Variants in RBFOX1 observed in about 807,000 individuals in gnomAD.
The protein encoded by RBFOX1 is RNA binding protein fox-1 homolog 1.
A neutral mutation model predicts 57.7 loss-of-function variants in RBFOX1; 8 were observed. The observed-to-expected ratio is 0.14, with a 90% CI of 0.08 to 0.25. RBFOX1 has a LOEUF of 0.25. Ranked by LOEUF, RBFOX1 falls within the 10% of genes least tolerant of loss-of-function variation. The probability of loss-of-function intolerance (pLI) is 1.00; values close to 1 mark genes in which losing one functional copy is unlikely to be tolerated. For missense variants in RBFOX1, 611 were observed against 548.5 expected (o/e 1.11, Z -1.14); for synonymous variants, 326 against 222.4 (o/e 1.47, Z -4.15).
intron 1 of RBFOX1, among the ~76,000 whole-genome samples, chr16:5,357,140 T>C (rs193062414): frequency 4.3e-4 from 66 of 152,318 alleles, no homozygotes; most frequent in African/African-American, 1.5e-3. Context: ...AGTGCACCTC[T>C]TGGGCTCACT....
chr16:5,606,777 G>T (rs190829168), intron 3 of RBFOX1, among the ~76,000 whole-genome samples: 2 of 152,094 alleles, frequency 1.3e-5, no homozygotes. Flanking sequence ...TGAAGGACAA[G>T]TGGGAGTCGT....
chr16:7,038,975 G>A (rs911586741), intron 3 of RBFOX1, among the ~76,000 whole-genome samples: 1 of 152,122 alleles, frequency 6.6e-6, no homozygotes, highest in Non-Finnish European at 1.5e-5. Context: ...TCTCTCCAGT[G>A]ACTTATAGCC....
intron 3 of RBFOX1, among the ~76,000 whole-genome samples, chr16:5,700,834 C>A (rs945717828): frequency 6.6e-6 from 1 of 152,106 alleles, no homozygotes; most frequent in African/African-American, 2.4e-5. Context: ...GGTCCCACAC[C>A]CATCTGTGAA....
At chr16:5,566,069 C>T (rs1217071908) in intron 2 of RBFOX1, among the ~76,000 whole-genome samples, 1 of 152,102 alleles carries the variant, frequency 6.6e-6, no homozygotes, top group Non-Finnish European at 1.5e-5. Context: ...TGACTTTCGC[C>T]TTTCGCCATG....
intron 2 of RBFOX1, among the ~76,000 whole-genome samples, chr16:5,538,242 C>A (rs78828218): frequency 3.3e-5 from 5 of 152,172 alleles, no homozygotes; most frequent in Admixed American, 1.3e-4. Context: ...ACACCTCTTA[C>A]ACTTGATATT....
chr16:6,901,682 T>C (rs2068534918), intron 3 of RBFOX1, among the ~76,000 whole-genome samples: 1 of 152,220 alleles, frequency 6.6e-6, no homozygotes, highest in Non-Finnish European at 1.5e-5. Flanking sequence ...GAATTTTCTG[T>C]TGTTTCTGCA....
At chr16:6,981,845 C>T (rs566029935) in intron 3 of RBFOX1, among the ~76,000 whole-genome samples, 67 of 152,276 alleles carry the variant, frequency 4.4e-4, no homozygotes, top group Middle Eastern at 3.4e-3. Context: ...CAAGCCATAT[C>T]ATCCAGTCTA....
chr16:6,956,732 A>G (rs1443029200), intron 3 of RBFOX1, among the ~76,000 whole-genome samples: 1 of 152,210 alleles, frequency 6.6e-6, no homozygotes, highest in Non-Finnish European at 1.5e-5. Context: ...ATTTAATATC[A>G]TCTTCGATGG....
intron 3 of RBFOX1, among the ~76,000 whole-genome samples, chr16:6,910,315 G>A (rs887878443): frequency 2.0e-5 from 3 of 151,924 alleles, no homozygotes; most frequent in Non-Finnish European, 2.9e-5. Context: ...CTTTTTAGGG[G>A]CAAAGAAAGT....
At chr16:7,318,360 G>A (rs1449317617) in intron 4 of RBFOX1, among the ~76,000 whole-genome samples, 1 of 151,896 alleles carries the variant, frequency 6.6e-6, no homozygotes, top group Non-Finnish European at 1.5e-5. Context: ...AGTTGCAGTG[G>A]TGGTGGTGGT....
intron 4 of RBFOX1, among the ~76,000 whole-genome samples, chr16:7,376,166 C>T (rs1410075517): frequency 6.6e-6 from 1 of 152,124 alleles, no homozygotes; most frequent in Non-Finnish European, 1.5e-5. Flanking sequence ...ATTTTTGGAA[C>T]ATATATGTTT....
chr16:5,754,780 G>A (rs1259681577), intron 3 of RBFOX1, among the ~76,000 whole-genome samples: 1 of 9,736 alleles, frequency 1.0e-4, no homozygotes, highest in African/African-American at 5.1e-4. Context: ...GCCCTAAGGC[G>A]GTTTTTCCCT....
At chr16:6,269,550 A>G (rs2074956548) in intron 1 of RBFOX1, among the ~76,000 whole-genome samples, 1 of 152,232 alleles carries the variant, frequency 6.6e-6, no homozygotes, top group Admixed American at 6.5e-5. Flanking sequence ...CAGATTTCTC[A>G]TCAGAAGCCA....
At chr16:6,820,986 G>T (rs753156727) in intron 3 of RBFOX1, among the ~76,000 whole-genome samples, 1 of 152,160 alleles carries the variant, frequency 6.6e-6, no homozygotes, top group East Asian at 1.9e-4. Context: ...GTTATATACA[G>T]TTACTTGTAA....
intron 4 of RBFOX1, among the ~76,000 whole-genome samples, chr16:7,065,982 A>G (rs1174019913): frequency 6.6e-6 from 1 of 151,976 alleles, no homozygotes; most frequent in Non-Finnish European, 1.5e-5. Context: ...CCAGAGAATA[A>G]CAAATAAATA....
At chr16:5,622,096 C>T (rs2048216860) in intron 3 of RBFOX1, among the ~76,000 whole-genome samples, 1 of 151,666 alleles carries the variant, frequency 6.6e-6, no homozygotes, top group Non-Finnish European at 1.5e-5. Flanking sequence ...ATGTGTTCTT[C>T]ATTAAAACCA....
intron 2 of RBFOX1, among the ~76,000 whole-genome samples, chr16:6,407,489 T>G (rs2795538): frequency 0.052 from 7,904 of 151,230 alleles, 717 homozygotes; most frequent in African/African-American, 0.18. Flanking sequence ...CACATATATA[T>G]AGAGAGAGGC....
At chr16:5,467,976 G>T (rs1331428309) in intron 2 of RBFOX1, among the ~76,000 whole-genome samples, 1 of 152,172 alleles carries the variant, frequency 6.6e-6, no homozygotes, top group Non-Finnish European at 1.5e-5. Context: ...TGGCCCTTGA[G>T]TGGATTGGGG....
chr16:7,281,555 T>C (rs1197349215), intron 4 of RBFOX1, among the ~76,000 whole-genome samples: 1 of 152,124 alleles, frequency 6.6e-6, no homozygotes, highest in African/African-American at 2.4e-5. Context: ...TTAACTACTA[T>C]TCTTATTAGC....
Sources: allele counts gnomAD v4.1 joint callset (sites outside exome capture counted in the v4.1 genomes callset), GRCh38; gene constraint gnomAD v4.1.1; transcripts MANE v1.5; gene names NCBI Gene and HGNC (gene_info 2026-07-23, HGNC 2026-07-21).